The following SPTA1 variants were observed in gnomAD, a reference collection of about 807,000 sequenced individuals.
SPTA1 encodes spectrin alpha, erythrocytic 1, also known as spectrin alpha chain, erythrocytic 1.
Under a neutral mutation model 324.7 loss-of-function variants are expected in SPTA1, and 177 were observed. That is an observed-to-expected ratio of 0.55 (90% CI 0.48 to 0.62). The LOEUF (loss-of-function observed/expected upper bound fraction) is 0.62, where lower values mean the gene tolerates loss of function less well. SPTA1 is among the 20% of genes least tolerant of loss of function. The probability of loss-of-function intolerance (pLI) is 0.00; values close to 1 mark genes in which losing one functional copy is unlikely to be tolerated. For synonymous variants in SPTA1, 1,195 were observed against 1,041.3 expected (o/e 1.15, Z -2.84); for missense variants, 3,162 against 2,883.6 (o/e 1.10, Z -2.21).
chr1:158,630,967 C>A (rs1650634588), intron 39 of SPTA1, among the ~76,000 whole-genome samples: 1 of 151,826 alleles, frequency 6.6e-6, no homozygotes, highest in Admixed American at 6.6e-5. Flanking sequence ...ATTAAAAAGT[C>A]AAAAAATAAT....
chr1:158,652,874 C>T lies in SPTA1; in HGVS notation c.3189-221G>A, dbSNP rs1283902235. Among the ~76,000 whole-genome samples the T allele has an allele frequency of 2.6e-5, 4 of 152,082 alleles. No homozygotes were observed. The South Asian group carries it at 6.2e-4, about 24-fold the overall frequency. On this transcript the variant is annotated intron_variant, in intron 22 of 51. Coordinates refer to ENST00000643759, the MANE Select transcript of SPTA1 (RefSeq NM_003126.4). ...TTGCATTTAAAAATAGTAAAAATGCCAGTGACCCAATAGTATGACTGGCAA... is the reference window on the plus strand; with the variant it reads ...TTGCATTTAAAAATAGTAAAAATGCTAGTGACCCAATAGTATGACTGGCAA...
chr1:158,622,055 G>C (rs991466569), intron 43 of SPTA1, among the ~76,000 whole-genome samples: 1 of 152,046 alleles, frequency 6.6e-6, no homozygotes, highest in Non-Finnish European at 1.5e-5. Flanking sequence ...TAGTAGAGAC[G>C]GTGTTTCACC....
intron 51 of SPTA1, chr1:158,612,556 G>T: frequency 2.6e-6 from 1 of 387,330 alleles, no homozygotes. Context: ...GAATTAATGA[G>T]GAAAAAAAAA....
chr1:158,655,683 G>C (rs1021234426), intron 20 of SPTA1, among the ~76,000 whole-genome samples: 1 of 152,170 alleles, frequency 6.6e-6, no homozygotes, highest in East Asian at 1.9e-4. Flanking sequence ...TCATTAGAAA[G>C]AATTCCTTGA....
Position 158,679,788 on chromosome 1 carries a change from G to A in SPTA1, c.678+795C>T, listed in dbSNP as rs114542467. On this transcript the variant is annotated intron_variant, in intron 5 of 51. Coordinates refer to ENST00000643759, the MANE Select transcript of SPTA1 (RefSeq NM_003126.4). ...ATTGGTTAGACAGTAATAGATAAAT[G>A]AAAAACTTCCACAGCAAGAGAAAAG... is the stretch of plus-strand genomic sequence containing the variant. 6.5e-3 allele frequency among the ~76,000 whole-genome samples: 997 copies of A among 152,228 alleles called. 10 individuals are homozygous for A. Among genetic ancestry groups the A allele is most frequent in the African/African-American group, 0.023 (963 of 41,558 alleles).
rs756058962 is a variant in SPTA1, at chr1:158,681,086, A to G, written c.532-357T>C. On this transcript the variant is annotated intron_variant, in intron 4 of 51. Transcript: ENST00000643759. ...TTTTGTTAGGCATTTGCTTATCTAA[A>G]TCTTTAGTCCTAACTATTAAATTAT... Among the ~76,000 whole-genome samples the G allele has an allele frequency of 1.1e-4, 16 of 152,264 alleles. No homozygotes were observed. The Middle Eastern group carries it at 0.01, about 97-fold the overall frequency.
At position 158,611,079 on chromosome 1, in the gene SPTA1, C is replaced by A. The variant is rs1018487768; in HGVS notation, c.*185G>T. 2.5e-6 allele frequency: 2 copies of A among 790,172 alleles called. No homozygotes were observed. The highest frequency in any genetic ancestry group is 1.7e-5 in the African/African-American group (1 of 57,676). 48.9% of individuals were successfully genotyped at this position (790,172 alleles called of 1,614,324 possible). ...CTCTATTAACCTTTCTATCTCCCAC[C>A]CTTGAGATTTTTTAAGATCCTACAA... On this transcript the variant is annotated 3_prime_UTR_variant, in exon 52 of 52. Coordinates refer to ENST00000643759, the MANE Select transcript of SPTA1 (RefSeq NM_003126.4).
chr1:158,620,035 C>T, intron 44 of SPTA1, 135 bp downstream of exon 44: 1 of 1,194,748 alleles, frequency 8.4e-7, no homozygotes. Context: ...TTTTCTTAGA[C>T]AGTCATGTTT....
At chr1:158,624,901 C>A (rs888342102) in intron 42 of SPTA1, among the ~76,000 whole-genome samples, 6 of 152,208 alleles carry the variant, frequency 3.9e-5, no homozygotes, top group African/African-American at 1.4e-4. Context: ...ATTGAAATGC[C>A]TGAAAGGCCA....
intron 34 of SPTA1, 29 bp downstream of exon 34, chr1:158,639,841 G>A: frequency 1.9e-6 from 3 of 1,613,864 alleles, no homozygotes; most frequent in South Asian, 2.2e-5. Context: ...TTAAACTCTT[G>A]TGTCTCTACT....
rs111413972 is a variant in SPTA1, at chr1:158,627,038, T to C, written c.5665-31A>G. On this transcript the variant is annotated intron_variant, in intron 40 of 51. Coordinates refer to ENST00000643759, the MANE Select transcript of SPTA1 (RefSeq NM_003126.4). ...AGAAGGGGAGAGACAAATATATTTA[T>C]AATGTGCAGGGCTGGAAATGTGAAT... The C allele has an allele frequency of 4.3e-6, 7 of 1,612,684 alleles. No individual in the cohort carries two copies. In the African/African-American group the frequency reaches 6.7e-5, roughly 15 times the overall value.
At chr1:158,667,491 T>A (rs6662781) in intron 15 of SPTA1, among the ~76,000 whole-genome samples, 9,985 of 152,208 alleles carry the variant, frequency 0.066, 1,116 homozygotes, top group African/African-American at 0.23. Context: ...CATAATATCT[T>A]GTCTAGCTTA....
Position 158,638,076 on chromosome 1 carries a change from A to G in SPTA1, c.5146T>C (p.Phe1716Leu). 1 of 1,613,998 alleles carries G rather than the reference A, an allele frequency of 6.2e-7. No individual in the cohort carries two copies. Residue 1716 changes from phenylalanine to leucine, a missense_variant, in exon 36 of 52, where the codon TTC becomes CTC. Transcript: ENST00000643759. ...HEKLKEAYAL[F>L]QFFQDLDDEE... ...TCATCTAGATCCTGGAAGAACTGGA[A>G]CAAGGCATAGGCCTCTTTCAATTTT...
rs1461015209 is a variant in SPTA1, at chr1:158,662,864, G to C, written c.2302C>G (p.Gln768Glu). The C allele has an allele frequency of 6.2e-7, 1 of 1,614,114 alleles. No homozygotes were observed. Among genetic ancestry groups the C allele is most frequent in the Admixed American group, 1.7e-5 (1 of 60,020 alleles). The change falls in exon 17 of 52, where the codon CAA (glutamine) becomes GAA (glutamate). Residue 768 changes from glutamine (Q) to glutamate (E), a missense_variant. Coordinates refer to ENST00000643759, the MANE Select transcript of SPTA1 (RefSeq NM_003126.4). ...HPDSKDIRAR[Q>E]ESLVCRFEAL... is the part of the protein sequence containing the mutation. ...TCAAATCGGCATACCAAGGACTCTT[G>C]CCTTGCCCTTATATCCTTAGAATCA...
chr1:158,617,619 A>C (rs903536971), intron 46 of SPTA1, 31 bp from the exon 47 acceptor site: 1 of 1,573,712 alleles, frequency 6.4e-7, no homozygotes, highest in Admixed American at 1.7e-5. Context: ...ATCATTATGC[A>C]TCACATCACA....
At chr1:158,676,934 G>A (rs1227934509) in intron 7 of SPTA1, among the ~76,000 whole-genome samples, 1 of 151,838 alleles carries the variant, frequency 6.6e-6, no homozygotes, top group Non-Finnish European at 1.5e-5. Flanking sequence ...TCATTATTAG[G>A]GAAAAAGACC....
In SPTA1 at chr1:158,652,522, C is replaced by T. The variant is rs753367314; in HGVS notation, c.3320G>A (p.Gly1107Glu). ...WIQEKKAENT[G>E]VELDDVWELQ... Reference sequence around the variant, plus strand: ...CTCCCAAACATCATCTAGTTCCACTCCAGTGTTTTCTGCCTTTTTCTCTTG... The same window carrying T: ...CTCCCAAACATCATCTAGTTCCACTTCAGTGTTTTCTGCCTTTTTCTCTTG... Residue 1107 changes from glycine to glutamate, a missense_variant, in exon 23 of 52, where the codon GGA (glycine) becomes GAA (glutamate). Transcript: ENST00000643759. The T allele has an allele frequency of 6.2e-7, 1 of 1,614,190 alleles. No individual in the cohort carries two copies. The highest frequency in any genetic ancestry group is 8.5e-7 in the Non-Finnish European group (1 of 1,180,036).
intron 41 of SPTA1, 68 bp from the exon 42 acceptor site, chr1:158,626,290 G>A: frequency 4.2e-6 from 6 of 1,443,826 alleles, no homozygotes; most frequent in Non-Finnish European, 5.8e-6. Flanking sequence ...AAGCAGAAAA[G>A]GAATATTTAC....
rs189056433 is a variant in SPTA1 at position 158,621,370 on chromosome 1, C to T, written c.6121-904G>A. On this transcript the variant is annotated intron_variant, in intron 43 of 51. Coordinates refer to ENST00000643759, the MANE Select transcript of SPTA1 (RefSeq NM_003126.4). Reference sequence around the variant, plus strand: ...ACTGGCCCAAATGGAGGGAGGATTTCAAAGGTATTAAACCGTTACATCTGA... The same window carrying T: ...ACTGGCCCAAATGGAGGGAGGATTTTAAAGGTATTAAACCGTTACATCTGA... 7.0e-4 allele frequency among the ~76,000 whole-genome samples: 107 copies of T among 152,150 alleles called. 1 individual carries two copies. The highest frequency in any genetic ancestry group is 6.3e-4 in the Non-Finnish European group (43 of 68,030).
Sources: gnomAD v4.1 joint callset for allele counts (sites outside exome capture counted in the v4.1 genomes callset) on GRCh38, gnomAD v4.1.1 for gene constraint, MANE v1.5 for transcripts, NCBI Gene and HGNC (gene_info 2026-07-23, HGNC 2026-07-21) for gene names.